MYOD1: variants seen among roughly 807,000 people sequenced by gnomAD.
MYOD1 encodes the protein myoblast determination protein 1.
A neutral mutation model predicts 14.9 loss-of-function variants in MYOD1; 15 were observed. That is an observed-to-expected ratio of 1.01 (90% confidence interval 0.67 to 1.55). MYOD1 has a LOEUF of 1.55. Among genes scored for constraint, MYOD1 ranks in the 40% most tolerant of loss-of-function variants. The pLI, the probability that MYOD1 is intolerant of heterozygous loss-of-function variation, is 0.00. For synonymous variants in MYOD1, 235 were observed against 218.6 expected (o/e 1.07, Z -0.66); for missense variants, 529 against 482.6 (o/e 1.10, Z -0.90).
chr11:17,721,491 A>G lies in MYOD1; in HGVS notation c.946A>G (p.Ile316Val). Residue 316 changes from isoleucine (I) to valine (V), a missense_variant, in exon 3 of 3, where the codon ATA becomes GTA. Ile to Val is a conservative substitution (Grantham distance 29). Transcript: ENST00000250003. The surrounding 1 kb of genome is among the most constrained non-coding windows in gnomAD (Gnocchi z 6.2). ...QCPAGANPNP[I>V]YQVL ...CCCTGCGGGTGCGAACCCCAACCCG[A>G]TATACCAGGTGCTCTGAGGGGATGG... is the stretch of plus-strand genomic sequence containing the variant. 6.4e-7 allele frequency: 1 copy of G among 1,565,508 alleles called. No individual in the cohort carries two copies. Among genetic ancestry groups the G allele is most frequent in the Non-Finnish European group, 8.6e-7 (1 of 1,160,716 alleles).
In MYOD1 at chr11:17,721,548, CT is replaced by C; in HGVS notation, c.*41del. On this transcript the variant is annotated 3_prime_UTR_variant, in exon 3 of 3. Transcript: ENST00000250003. The surrounding 1 kb of genome is among the most constrained non-coding windows in gnomAD (Gnocchi z 6.2). ...CCCACCCGCCCGAGGGATGGTGCCC[CT>C]AGGGTCCCTCGCGCCCAAAAGATTG... 1 of 1,482,228 alleles carries C rather than the reference CT, an allele frequency of 6.7e-7. No individual in the cohort carries two copies. Among genetic ancestry groups the C allele is most frequent in the Non-Finnish European group, 8.9e-7 (1 of 1,123,222 alleles). The allele number at this position is 1,482,228 out of a possible 1,614,324, so 91.8% of individuals were successfully genotyped here.
rs766103747 is a variant in MYOD1 at position 17,721,459 on chromosome 11, C to A, written c.914C>A (p.Pro305Gln). 2.2e-4 allele frequency: 354 copies of A among 1,594,338 alleles called. 1 individual carries two copies. The highest frequency in any genetic ancestry group is 3.0e-4 in the Non-Finnish European group (348 of 1,175,992). The change falls in exon 3 of 3, where the codon CCG becomes CAG. Residue 305 changes from proline to glutamine, a missense_variant. Transcript: ENST00000250003. The surrounding 1 kb of genome is among the most constrained non-coding windows in gnomAD (Gnocchi z 6.2). Reference protein sequence around the residue: ...GDPTQSPDAAPQCPAGANPNP... With the variant: ...GDPTQSPDAAQQCPAGANPNP... ...CCCACCCAGTCACCGGACGCCGCCCCGCAGTGCCCTGCGGGTGCGAACCCC... is the reference window on the plus strand; with the variant it reads ...CCCACCCAGTCACCGGACGCCGCCCAGCAGTGCCCTGCGGGTGCGAACCCC...
Position 17,720,991 on chromosome 11 carries a change from C to A in MYOD1, c.709+11C>A. The A allele has an allele frequency of 6.3e-7, 1 of 1,576,460 alleles. No individual in the cohort carries two copies. Among genetic ancestry groups the A allele is most frequent in the Non-Finnish European group, 8.6e-7 (1 of 1,161,988 alleles). The stretch of plus-strand genomic sequence containing the variant: ...ACGAGGCGCCCAGCGGTGGGTATTC[C>A]GGGCCTCTCCCTGCTCGCTCCTCCT... On this transcript the variant is annotated intron_variant, in intron 2 of 2. Transcript: ENST00000250003.
rs751108947 is a variant in MYOD1 at position 17,719,957 on chromosome 11, C to T, written c.175C>T (p.Pro59Ser). ...GATGCACGTGGGCGCGCTCCTGAAA[C>T]CCGAAGAGCACTCGCACTTCCCCGC... is the stretch of plus-strand genomic sequence containing the variant. Reference protein sequence around the residue: ...RLMHVGALLKPEEHSHFPAAV... With the variant: ...RLMHVGALLKSEEHSHFPAAV... The change falls in exon 1 of 3, where the codon CCC becomes TCC. Residue 59 changes from proline (P) to serine (S), a missense_variant. Coordinates refer to ENST00000250003, the MANE Select transcript of MYOD1 (RefSeq NM_002478.5). The T allele has an allele frequency of 3.1e-6, 5 of 1,613,470 alleles. No individual in the cohort carries two copies. The South Asian group carries it at 3.3e-5, about 11-fold the overall frequency.
chr11:17,720,456 C>T, intron 1 of MYOD1, 44 bp downstream of exon 1: 1 of 1,503,416 alleles, frequency 6.7e-7, no homozygotes, highest in Middle Eastern at 2.0e-4. Context: ...GGGCGGCGCT[C>T]GGGATATCAG....
chr11:17,720,755 C>T (rs1848629789), intron 1 of MYOD1, 147 bp from the exon 2 acceptor site: 2 of 888,952 alleles, frequency 2.2e-6, no homozygotes, highest in Admixed American at 5.0e-5. Context: ...ATCTCCTACC[C>T]ACCCGTAATT....
At position 17,719,732 on chromosome 11, in the gene MYOD1, C is replaced by G. The variant is rs772507668; in HGVS notation, c.-51C>G. ...AGCGGCAGAAAGTTCCGGCCACTCT[C>G]TGCCGCTTGGGTTGGGCGAAGCCAG... On this transcript the variant is annotated 5_prime_UTR_variant, in exon 1 of 3. Transcript: ENST00000250003. 1 of 1,554,524 alleles carries G rather than the reference C, an allele frequency of 6.4e-7. No individual in the cohort carries two copies. The highest frequency in any genetic ancestry group is 1.4e-5 in the African/African-American group (1 of 73,092).
intron 1 of MYOD1, among the ~76,000 whole-genome samples, chr11:17,720,639 G>A (rs1848628574): frequency 6.6e-6 from 1 of 152,222 alleles, no homozygotes; most frequent in Non-Finnish European, 1.5e-5. Context: ...ACACTGCAGC[G>A]CGAACGTGAA....
chr11:17,721,702 A>G lies in MYOD1; in HGVS notation c.*194A>G. The G allele has an allele frequency of 1.8e-6, 1 of 567,568 alleles. No individual in the cohort carries two copies. Among genetic ancestry groups the G allele is most frequent in the Non-Finnish European group, 2.8e-6 (1 of 351,194 alleles). The allele number at this position is 567,568 out of a possible 1,614,324, so 35.2% of individuals were successfully genotyped here. A position where few individuals can be genotyped will look rare whatever the true frequency, so the allele number is the denominator to read the frequency against. ...CACAGCGCGGTTTTTTCCACGCAGC[A>G]CCCTTCTCGGAGACCCATTGCGATG... On this transcript the variant is annotated 3_prime_UTR_variant, in exon 3 of 3. Transcript: ENST00000250003. This position sits in a 1 kb window ranked among gnomAD's most constrained non-coding sequence, Gnocchi z 6.2.
chr11:17,720,479 G>C, intron 1 of MYOD1, 67 bp downstream of exon 1: 1 of 1,464,270 alleles, frequency 6.8e-7, no homozygotes, highest in Non-Finnish European at 8.9e-7. Context: ...ACGCGTTTCC[G>C]AGGGCGGGGA....
At chr11:17,720,528 A>G in intron 1 of MYOD1, 116 bp downstream of exon 1, 5 of 1,329,000 alleles carry the variant, frequency 3.8e-6, no homozygotes, top group South Asian at 1.6e-5. Context: ...ATCCTTCCCG[A>G]GAGAGAGGAC....
rs369966548 is a variant in MYOD1 at position 17,721,313 on chromosome 11, G to A, written c.768G>A (p.Val256=). The A allele has an allele frequency of 1.6e-4, 262 of 1,594,588 alleles. 2 individuals are homozygous for A. The African/African-American group carries it at 1.9e-3, about 12-fold the overall frequency. ...GCCTAGACTGCCTGTCCAGCATCGTGGAGCGCATCTCCACCGAGAGCCCTG... is the reference window on the plus strand; with the variant it reads ...GCCTAGACTGCCTGTCCAGCATCGTAGAGCGCATCTCCACCGAGAGCCCTG... ...VSSLDCLSSI[V]ERISTESPAA... The change falls in exon 3 of 3, where the codon GTG becomes GTA. Residue 256 remains valine (V), a synonymous_variant. Transcript: ENST00000250003. The surrounding 1 kb of genome is among the most constrained non-coding windows in gnomAD (Gnocchi z 6.2).
chr11:17,721,519 GCCGCCCAC>G lies in MYOD1; in HGVS notation c.*18_*25del, dbSNP rs762728765. Reference sequence around the variant, plus strand: ...TACCAGGTGCTCTGAGGGGATGGTGGCCGCCCACCCGCCCGAGGGATGGTGCCCCTAGG... The same window carrying G: ...TACCAGGTGCTCTGAGGGGATGGTGGCCGCCCGAGGGATGGTGCCCCTAGG... On this transcript the variant is annotated 3_prime_UTR_variant, in exon 3 of 3. Transcript: ENST00000250003. The surrounding 1 kb of genome is among the most constrained non-coding windows in gnomAD (Gnocchi z 6.2). 1 of 1,502,468 alleles carries G rather than the reference GCCGCCCAC, an allele frequency of 6.7e-7. No homozygotes were observed. The highest frequency in any genetic ancestry group is 2.4e-5 in the East Asian group (1 of 42,122). The allele number at this position is 1,502,468 out of a possible 1,614,324, so 93.1% of individuals were successfully genotyped here. A position where few individuals can be genotyped will look rare whatever the true frequency, so the allele number is the denominator to read the frequency against.
Position 17,719,675 on chromosome 11 carries a change from C to G in MYOD1, c.-108C>G. 2 of 1,395,642 alleles carry G rather than the reference C, an allele frequency of 1.4e-6. No homozygotes were observed. The highest frequency in any genetic ancestry group is 2.2e-5 in the Admixed American group (1 of 44,666). 86.5% of individuals were successfully genotyped at this position (1,395,642 alleles called of 1,614,324 possible). ...GACAGTGGGTGGGCATTCAGACTGC[C>G]AGCACTTTGCTATCTACAGCCGGGG... is the stretch of plus-strand genomic sequence containing the variant. On this transcript the variant is annotated 5_prime_UTR_variant, in exon 1 of 3. Transcript: ENST00000250003.
chr11:17,721,192 C>T lies in MYOD1; in HGVS notation c.710-63C>T. On this transcript the variant is annotated intron_variant, in intron 2 of 2. Transcript: ENST00000250003. This position sits in a 1 kb window ranked among gnomAD's most constrained non-coding sequence, Gnocchi z 6.2. Reference sequence around the variant, plus strand: ...TTCCAATCTGTCTCAAAGTACTGGGCCCGGGGGTGGGAGGCTTGTCGCGGC... The same window carrying T: ...TTCCAATCTGTCTCAAAGTACTGGGTCCGGGGGTGGGAGGCTTGTCGCGGC... 1 of 1,457,134 alleles carries T rather than the reference C, an allele frequency of 6.9e-7. No homozygotes were observed. Among genetic ancestry groups the T allele is most frequent in the African/African-American group, 1.4e-5 (1 of 70,352 alleles). The allele number at this position is 1,457,134 out of a possible 1,614,324, so 90.3% of individuals were successfully genotyped here. A position where few individuals can be genotyped will look rare whatever the true frequency, so the allele number is the denominator to read the frequency against.
Position 17,721,695 on chromosome 11 carries a change from A to C in MYOD1, c.*187A>C. On this transcript the variant is annotated 3_prime_UTR_variant, in exon 3 of 3. Coordinates refer to ENST00000250003, the MANE Select transcript of MYOD1 (RefSeq NM_002478.5). This position sits in a 1 kb window ranked among gnomAD's most constrained non-coding sequence, Gnocchi z 6.2. ...GCAAGGACACAGCGCGGTTTTTTCC[A>C]CGCAGCACCCTTCTCGGAGACCCAT... 1.7e-6 allele frequency: 1 copy of C among 591,100 alleles called. No individual in the cohort carries two copies. The highest frequency in any genetic ancestry group is 2.7e-6 in the Non-Finnish European group (1 of 371,414). 36.6% of individuals were successfully genotyped at this position (591,100 alleles called of 1,614,324 possible).
In MYOD1 at chr11:17,721,803, G is replaced by A; in HGVS notation, c.*295G>A. 2.5e-6 allele frequency: 1 copy of A among 405,114 alleles called. No homozygotes were observed. The highest frequency in any genetic ancestry group is 4.3e-6 in the Non-Finnish European group (1 of 230,518). The allele number at this position is 405,114 out of a possible 1,614,324, so 25.1% of individuals were successfully genotyped here. ...TCAGCTTTCTCGCGCCCTCCCCCATGGGGGTGAGACCCTCGCAGACCTAAG... is the reference window on the plus strand; with the variant it reads ...TCAGCTTTCTCGCGCCCTCCCCCATAGGGGTGAGACCCTCGCAGACCTAAG... On this transcript the variant is annotated 3_prime_UTR_variant, in exon 3 of 3. Coordinates refer to ENST00000250003, the MANE Select transcript of MYOD1 (RefSeq NM_002478.5). This position sits in a 1 kb window ranked among gnomAD's most constrained non-coding sequence, Gnocchi z 6.2.
chr11:17,720,795 G>A lies in MYOD1; in HGVS notation c.631-107G>A, dbSNP rs542536607. On this transcript the variant is annotated intron_variant, in intron 1 of 2. Transcript: ENST00000250003. ...CCCCAACCAGGACAGGTCTGGGCCC[G>A]GAACTAGAGCCTTAGGCTAGAGTTA... The A allele has an allele frequency of 1.7e-5, 22 of 1,258,594 alleles. No homozygotes were observed. The African/African-American group carries it at 2.5e-4, about 15-fold the overall frequency. 78.0% of individuals were successfully genotyped at this position (1,258,594 alleles called of 1,614,324 possible).
chr11:17,719,775 G>A lies in MYOD1; in HGVS notation c.-8G>A. 1 of 1,608,040 alleles carries A rather than the reference G, an allele frequency of 6.2e-7. No homozygotes were observed. Among genetic ancestry groups the A allele is most frequent in the South Asian group, 1.1e-5 (1 of 90,584 alleles). ...GAAGCCAGGACCGTGCCGCGCCACC[G>A]CCAGGATATGGAGCTACTGTCGCCA... On this transcript the variant is annotated 5_prime_UTR_variant, in exon 1 of 3. Coordinates refer to ENST00000250003, the MANE Select transcript of MYOD1 (RefSeq NM_002478.5).
Sources: gnomAD v4.1 joint callset for allele counts (sites outside exome capture counted in the v4.1 genomes callset) on GRCh38, gnomAD v4.1.1 for gene constraint, Gnocchi (gnomAD v3.1) non-coding constraint, MANE v1.5 for transcripts, NCBI Gene and HGNC (gene_info 2026-07-23, HGNC 2026-07-21) for gene names.